ABHD3: variants seen among roughly 807,000 people sequenced by gnomAD.
The protein encoded by ABHD3 is abhydrolase domain containing 3, phospholipase, also known as phospholipase ABHD3.
In ABHD3, 46 loss-of-function variants were observed where a neutral mutation model predicts 48.8. The observed-to-expected ratio is 0.94, with a 90% CI of 0.74 to 1.20. ABHD3 has a LOEUF of 1.20. Among genes scored for constraint, ABHD3 ranks in the 50% most tolerant of loss-of-function variants. The pLI is 0.00. For missense variants in ABHD3, 490 were observed against 497.8 expected, an observed-to-expected ratio of 0.98 and a Z score of 0.15; for synonymous variants, 192 against 183.7, an observed-to-expected ratio of 1.04 and a Z score of -0.36.
intron 3 of ABHD3, among the ~76,000 whole-genome samples, chr18:21,697,638 C>T (rs1242433613): frequency 1.3e-5 from 2 of 152,236 alleles, no homozygotes; most frequent in Non-Finnish European, 2.9e-5. Flanking sequence ...GCCTCGGCCT[C>T]CCAAGGTGCT....
chr18:21,687,231 CAG>C (rs1376388999), intron 3 of ABHD3, among the ~76,000 whole-genome samples: 3 of 151,540 alleles, frequency 2.0e-5, no homozygotes, highest in Non-Finnish European at 4.4e-5. Context: ...TTTTTTGAGA[CAG>C]AGTCTTGCTC....
At chr18:21,654,075 C>T (rs922286009) in intron 8 of ABHD3, among the ~76,000 whole-genome samples, 1 of 151,722 alleles carries the variant, frequency 6.6e-6, no homozygotes, top group African/African-American at 2.4e-5. Flanking sequence ...TGGTCTTGAA[C>T]TCCTGACTTC....
At chr18:21,676,029 C>T (rs533126833) in intron 4 of ABHD3, among the ~76,000 whole-genome samples, 1 of 152,300 alleles carries the variant, frequency 6.6e-6, no homozygotes, top group African/African-American at 2.4e-5. Flanking sequence ...TCTACAGGCA[C>T]TAATTCCATC....
At chr18:21,685,729 G>A (rs1598548052) in intron 3 of ABHD3, among the ~76,000 whole-genome samples, 2 of 151,742 alleles carry the variant, frequency 1.3e-5, no homozygotes, top group Admixed American at 6.6e-5. Context: ...ACAGAGTCTC[G>A]CTCTATCACC....
At chr18:21,655,288 T>G (rs1406972874) in intron 8 of ABHD3, among the ~76,000 whole-genome samples, 2 of 150,844 alleles carry the variant, frequency 1.3e-5, no homozygotes, top group African/African-American at 2.4e-5. Flanking sequence ...GAAAAAGTTT[T>G]TTTTTTTTTT....
chr18:21,681,025 GCCTGTTGTTTCTTAAGCTTCTAA>G (rs1486990497), intron 4 of ABHD3, among the ~76,000 whole-genome samples: 5 of 151,928 alleles, frequency 3.3e-5, no homozygotes, highest in African/African-American at 1.2e-4. Context: ...ACCACTCCCA[GCCTGTTGTTTCTTAAGCTTCTAA>G]CCACCAATCT....
rs747445817 is a variant in ABHD3 at position 21,664,139 on chromosome 18, G to A, written c.647C>T (p.Ala216Val). 6.2e-7 allele frequency: 1 copy of A among 1,612,320 alleles called. No individual in the cohort carries two copies. ...HSLYPSAPFL[A>V]AGVSMGGMLL... ...TTACCCTCCCATTGAAACCCCTGCTGCCAGGAAAGGAGCAGAAGGGTACAG... is the reference window on the plus strand; with the variant it reads ...TTACCCTCCCATTGAAACCCCTGCTACCAGGAAAGGAGCAGAAGGGTACAG... Residue 216 changes from alanine (A) to valine (V), a missense_variant, in exon 5 of 9, where the codon GCA (alanine) becomes GTA (valine). Ala to Val is a moderately conservative substitution (Grantham distance 64). Coordinates refer to ENST00000289119, the MANE Select transcript of ABHD3 (RefSeq NM_138340.5).
chr18:21,684,234 T>C (rs1290406789), intron 3 of ABHD3, among the ~76,000 whole-genome samples: 2 of 152,222 alleles, frequency 1.3e-5, no homozygotes, highest in Middle Eastern at 3.4e-3. Context: ...TTCCAACTTC[T>C]TCCTACGCAC....
chr18:21,659,119 G>A (rs775174547), intron 6 of ABHD3, 51 bp downstream of exon 6: 7 of 1,565,576 alleles, frequency 4.5e-6, no homozygotes, highest in South Asian at 2.3e-5. Flanking sequence ...GATTACAGGC[G>A]TGAGCCACCG....
chr18:21,703,225 C>G (rs987469341), intron 2 of ABHD3, among the ~76,000 whole-genome samples: 3 of 130,914 alleles, frequency 2.3e-5, no homozygotes, highest in Non-Finnish European at 3.3e-5. Flanking sequence ...CCCACCCCCC[C>G]CCCCAGTATC....
intron 5 of ABHD3, among the ~76,000 whole-genome samples, chr18:21,660,118 AAC>A (rs2039455154): frequency 6.7e-6 from 1 of 149,136 alleles, no homozygotes. Context: ...TCCGCCATCA[AAC>A]ACAGCTAATT....
At chr18:21,703,913 G>A (rs1354241328) in intron 1 of ABHD3, 166 bp from the exon 2 acceptor site, 44 of 677,584 alleles carry the variant, frequency 6.5e-5, no homozygotes, top group Admixed American at 2.9e-5. Flanking sequence ...TGAAACGGGG[G>A]TTTCGCCAAT....
chr18:21,657,601 C>T (rs1220995765), intron 6 of ABHD3, among the ~76,000 whole-genome samples: 4 of 151,864 alleles, frequency 2.6e-5, no homozygotes, highest in South Asian at 2.1e-4. Context: ...CCACCCTCCT[C>T]GGCCTCCCAA....
At chr18:21,697,724 C>T (rs2040407982) in intron 3 of ABHD3, among the ~76,000 whole-genome samples, 1 of 152,192 alleles carries the variant, frequency 6.6e-6, no homozygotes, top group Non-Finnish European at 1.5e-5. Context: ...CGTTTGCTCA[C>T]AATTATCTTA....
At chr18:21,656,266 C>G (rs2039347198) in intron 8 of ABHD3, among the ~76,000 whole-genome samples, 1 of 152,098 alleles carries the variant, frequency 6.6e-6, no homozygotes, top group Non-Finnish European at 1.5e-5. Context: ...CCTCAAACTT[C>G]TGGGCTCAAG....
intron 5 of ABHD3, 68 bp downstream of exon 5, chr18:21,664,050 C>T (rs888325574): frequency 6.6e-7 from 1 of 1,525,706 alleles, no homozygotes; most frequent in Non-Finnish European, 8.8e-7. Flanking sequence ...AGCTTATAGT[C>T]CTCTCAAAGA....
At chr18:21,686,806 A>C (rs1233395014) in intron 3 of ABHD3, among the ~76,000 whole-genome samples, 11 of 152,228 alleles carry the variant, frequency 7.2e-5, no homozygotes, top group Non-Finnish European at 4.4e-5. Context: ...ATGAGCAACC[A>C]GCTCTTTTCA....
At chr18:21,695,955 G>A (rs1267008070) in intron 3 of ABHD3, among the ~76,000 whole-genome samples, 1 of 152,122 alleles carries the variant, frequency 6.6e-6, no homozygotes, top group Non-Finnish European at 1.5e-5. Flanking sequence ...ACTTACAACT[G>A]TATAATTCTG....
rs745583701 is a variant in ABHD3, at chr18:21,703,218, A to ACCC, written c.326+363_326+365dup. Among the ~76,000 whole-genome samples the ACCC allele has an allele frequency of 2.2e-3, 138 of 63,082 alleles. 2 individuals carry two copies. Among genetic ancestry groups the ACCC allele is most frequent in the South Asian group, 6.7e-3 (9 of 1,336 alleles). The allele number at this position is 63,082 out of a possible 152,430, so 41.4% of individuals were successfully genotyped here. ...AATTAAGTGGCATCCTTCTCACCCC[A>ACCC]CCCCCCCCCCCAGTATCTGCTACTT... On this transcript the variant is annotated intron_variant, in intron 2 of 8. Transcript: ENST00000289119.
Sources: allele counts gnomAD v4.1 joint callset (sites outside exome capture counted in the v4.1 genomes callset), GRCh38; gene constraint gnomAD v4.1.1; transcripts MANE v1.5; gene names NCBI Gene and HGNC (gene_info 2026-07-23, HGNC 2026-07-21).